Variants in KIAA1549L observed in about 807,000 individuals in gnomAD.
KIAA1549L encodes KIAA1549 like, also known as UPF0606 protein KIAA1549L.
KIAA1549L carries 88 observed loss-of-function variants against 160.7 expected under a neutral mutation model. The ratio of observed to expected loss-of-function variants is 0.55; its 90% CI spans 0.46 to 0.65. The LOEUF (loss-of-function observed/expected upper bound fraction) is 0.65, where lower values mean the gene tolerates loss of function less well. KIAA1549L is among the 30% of genes least tolerant of loss of function. The pLI, the probability that KIAA1549L is intolerant of heterozygous loss-of-function variation, is 0.00. For missense variants in KIAA1549L, 2,258 were observed against 2,437.5 expected (o/e 0.93, Z 1.55); for synonymous variants, 950 against 976.7 (o/e 0.97, Z 0.51).
chr11:33,615,739 C>T (rs1850792144), intron 15 of KIAA1549L, among the ~76,000 whole-genome samples: 1 of 152,152 alleles, frequency 6.6e-6, no homozygotes, highest in Admixed American at 6.5e-5. Context: ...TATTGTACTT[C>T]TAACACTTGC....
intron 15 of KIAA1549L, among the ~76,000 whole-genome samples, chr11:33,611,703 A>G (rs1456429018): frequency 6.6e-6 from 1 of 151,946 alleles, no homozygotes. Flanking sequence ...CTGGGATGGG[A>G]GCTGTTTTTC....
At chr11:33,651,531 G>A (rs1378202768) in intron 17 of KIAA1549L, among the ~76,000 whole-genome samples, 10 of 151,818 alleles carry the variant, frequency 6.6e-5, no homozygotes, top group South Asian at 2.1e-4. Context: ...CCCTAGATTC[G>A]AAGAACTATG....
chr11:33,663,690 T>C lies in KIAA1549L; in HGVS notation c.6159+2676T>C, dbSNP rs78481466. ...TCAAAAATTTGACCCCAGCCAATCA[T>C]TCTTCAGTGATTTTCAGACTGTGCT... On this transcript the variant is annotated intron_variant, in intron 20 of 20. Coordinates refer to ENST00000658780, the MANE Select transcript of KIAA1549L (RefSeq NM_012194.3). 2.3e-3 allele frequency among the ~76,000 whole-genome samples: 348 copies of C among 152,300 alleles called. 2 individuals are homozygous for C. Among genetic ancestry groups the C allele is most frequent in the African/African-American group, 7.8e-3 (326 of 41,550 alleles).
Position 33,376,224 on chromosome 11 carries a change from G to C in KIAA1549L, c.-428G>C, listed in dbSNP as rs1849949047. On this transcript the variant is annotated 5_prime_UTR_variant, in exon 1 of 21. Coordinates refer to ENST00000658780, the MANE Select transcript of KIAA1549L (RefSeq NM_012194.3). The surrounding 1 kb of genome is among the most constrained non-coding windows in gnomAD (Gnocchi z 5.8). ...CGAGGAGCGAGGAGCCAGGACAGCG[G>C]GGCGCCGAGGCTGCAGCGGCGGCGG... Among the ~76,000 whole-genome samples the C allele has an allele frequency of 6.7e-6, 1 of 149,384 alleles. No individual in the cohort carries two copies. Among genetic ancestry groups the C allele is most frequent in the African/African-American group, 2.4e-5 (1 of 41,174 alleles).
intron 1 of KIAA1549L, among the ~76,000 whole-genome samples, chr11:33,378,455 T>C (rs1213649670): frequency 1.3e-5 from 2 of 152,206 alleles, no homozygotes; most frequent in African/African-American, 4.8e-5. Context: ...TTTAGAGGAC[T>C]TCTCATCCAC....
At chr11:33,389,726 C>T (rs1358053322) in intron 1 of KIAA1549L, among the ~76,000 whole-genome samples, 1 of 152,184 alleles carries the variant, frequency 6.6e-6, no homozygotes, top group African/African-American at 2.4e-5. Flanking sequence ...TTTCTTTTCC[C>T]TGCAGAGACA....
intron 1 of KIAA1549L, among the ~76,000 whole-genome samples, chr11:33,415,160 T>G (rs1229536411): frequency 6.6e-6 from 1 of 151,816 alleles, no homozygotes; most frequent in Non-Finnish European, 1.5e-5. Flanking sequence ...GAAAGAGAAG[T>G]GAAGTTGTGT....
chr11:33,667,111 C>A (rs1852485152), intron 20 of KIAA1549L, among the ~76,000 whole-genome samples: 2 of 152,136 alleles, frequency 1.3e-5, no homozygotes, highest in African/African-American at 4.8e-5. Context: ...GCAGGAGAAT[C>A]ACTCGAGCCC....
At chr11:33,598,483 G>A (rs1319290498) in intron 12 of KIAA1549L, among the ~76,000 whole-genome samples, 1 of 152,122 alleles carries the variant, frequency 6.6e-6, no homozygotes, top group Non-Finnish European at 1.5e-5. Context: ...AGAGTGCTGG[G>A]TATTAAAAAC....
intron 1 of KIAA1549L, among the ~76,000 whole-genome samples, chr11:33,401,583 G>A (rs75881635): frequency 3.3e-5 from 5 of 149,588 alleles, no homozygotes; most frequent in South Asian, 4.2e-4. Context: ...TTTTTTTTTA[G>A]ACAGGTCTTA....
chr11:33,586,037 G>C (rs554233160), intron 11 of KIAA1549L, among the ~76,000 whole-genome samples: 1 of 152,350 alleles, frequency 6.6e-6, no homozygotes, highest in South Asian at 2.1e-4. Flanking sequence ...TTCTTCTGCT[G>C]TTACAACCCA....
At chr11:33,525,129 T>C (rs1853583108) in intron 1 of KIAA1549L, among the ~76,000 whole-genome samples, 1 of 152,092 alleles carries the variant, frequency 6.6e-6, no homozygotes, top group Non-Finnish European at 1.5e-5. Context: ...AACCATGAAC[T>C]TGAGCTCCAA....
chr11:33,610,330 A>G (rs1163233430), intron 15 of KIAA1549L, among the ~76,000 whole-genome samples: 1 of 152,234 alleles, frequency 6.6e-6, no homozygotes, highest in Non-Finnish European at 1.5e-5. Context: ...AGGCTCTTGC[A>G]TAAGAAAACC....
At chr11:33,485,525 A>T (rs1386831029) in intron 1 of KIAA1549L, among the ~76,000 whole-genome samples, 2 of 152,162 alleles carry the variant, frequency 1.3e-5, no homozygotes, top group Admixed American at 6.6e-5. Context: ...TTTCCAGATT[A>T]AAAAAACCTG....
intron 16 of KIAA1549L, among the ~76,000 whole-genome samples, chr11:33,619,613 G>A (rs1021409026): frequency 3.3e-5 from 5 of 152,148 alleles, no homozygotes; most frequent in African/African-American, 1.2e-4. Flanking sequence ...ATTAAAAACA[G>A]AGATATTCTA....
intron 13 of KIAA1549L, among the ~76,000 whole-genome samples, chr11:33,602,678 A>G (rs1232635907): frequency 6.6e-6 from 1 of 152,238 alleles, no homozygotes; most frequent in Non-Finnish European, 1.5e-5. Context: ...TTGCAGTTTC[A>G]CTGTGGCCCC....
intron 15 of KIAA1549L, among the ~76,000 whole-genome samples, chr11:33,616,298 A>G (rs532654250): frequency 3.9e-5 from 6 of 152,170 alleles, no homozygotes; most frequent in African/African-American, 1.2e-4. Flanking sequence ...CATATATCCT[A>G]TCTTCTTAGA....
intron 1 of KIAA1549L, among the ~76,000 whole-genome samples, chr11:33,403,051 A>G (rs1850534754): frequency 6.6e-6 from 1 of 152,244 alleles, no homozygotes. Flanking sequence ...CAACAGAGTA[A>G]GATTATGGTT....
At chr11:33,666,049 GGT>G (rs1341963905) in intron 20 of KIAA1549L, among the ~76,000 whole-genome samples, 1 of 152,184 alleles carries the variant, frequency 6.6e-6, no homozygotes, top group Non-Finnish European at 1.5e-5. Flanking sequence ...CTATGGGTGG[GGT>G]GGTTGTAGCA....
Sources: gnomAD v4.1 joint callset for allele counts (sites outside exome capture counted in the v4.1 genomes callset) on GRCh38, gnomAD v4.1.1 for gene constraint, Gnocchi (gnomAD v3.1) non-coding constraint, MANE v1.5 for transcripts, NCBI Gene and HGNC (gene_info 2026-07-23, HGNC 2026-07-21) for gene names.